Variants in TMEM72 observed in about 807,000 individuals in gnomAD.
TMEM72 encodes transmembrane protein 72.
TMEM72 carries 9 observed loss-of-function variants against 16.3 expected under a neutral mutation model. The observed-to-expected ratio is 0.55, with a 90% CI of 0.33 to 0.96. TMEM72 has a LOEUF of 0.96. Among genes scored for constraint, TMEM72 ranks in the 40% least tolerant of loss-of-function variants. TMEM72 has a pLI of 0.03. For missense variants in TMEM72, 324 were observed against 337.8 expected, an observed-to-expected ratio of 0.96 and a Z score of 0.32; for synonymous variants, 160 against 146.5, an observed-to-expected ratio of 1.09 and a Z score of -0.66.
intron 3 of TMEM72, among the ~76,000 whole-genome samples, chr10:44,932,750 C>A (rs946406396): frequency 2.0e-5 from 3 of 152,352 alleles, no homozygotes; most frequent in African/African-American, 7.2e-5. Context: ...AAGCTTTCCC[C>A]TTTCTGCTGA....
chr10:44,915,009 A>G (rs757962284), intron 1 of TMEM72, among the ~76,000 whole-genome samples: 1 of 152,204 alleles, frequency 6.6e-6, no homozygotes, highest in Non-Finnish European at 1.5e-5. Flanking sequence ...CAGGCCGTCC[A>G]GGCTGGGCAT....
At chr10:44,919,552 G>A (rs184238616) in intron 1 of TMEM72, among the ~76,000 whole-genome samples, 47 of 152,202 alleles carry the variant, frequency 3.1e-4, no homozygotes, top group African/African-American at 1.1e-3. Flanking sequence ...TTGAAAATCC[G>A]AAATATTTAG....
chr10:44,935,078 C>T lies in TMEM72; in HGVS notation c.772C>T (p.Pro258Ser), dbSNP rs747616132. 6 of 1,612,352 alleles carry T rather than the reference C, an allele frequency of 3.7e-6. No homozygotes were observed. Among genetic ancestry groups the T allele is most frequent in the South Asian group, 1.1e-5 (1 of 90,852 alleles). ...ETTSDTTPII[P>S]PPQAPLFLSS... ...CACCTCTGACACGACACCCATCATT[C>T]CCCCTCCCCAGGCCCCACTCTTCCT... is the stretch of plus-strand genomic sequence containing the variant. Residue 258 changes from proline (P) to serine (S), a missense_variant, in exon 5 of 5, where the codon CCC becomes TCC. Physicochemically the swap from Pro to Ser is moderately conservative, Grantham distance 74 (BLOSUM62 -1). Transcript: ENST00000389583.
chr10:44,929,268 GCCCCAGCAT>G (rs1840253193), intron 2 of TMEM72, among the ~76,000 whole-genome samples: 1 of 152,206 alleles, frequency 6.6e-6, no homozygotes, highest in Non-Finnish European at 1.5e-5. Context: ...CTGGGTCTCT[GCCCCAGCAT>G]CTCTGCAGCC....
At position 44,935,357 on chromosome 10, in the gene TMEM72, C is replaced by G. The variant is rs1840383956; in HGVS notation, c.*223C>G. 2.1e-6 allele frequency: 1 copy of G among 482,900 alleles called. No individual in the cohort carries two copies. 29.9% of individuals were successfully genotyped at this position (482,900 alleles called of 1,614,324 possible). ...TCACGCCACCTCAAGCCAGCACAAG[C>G]TCCTTCCTCCTGGCCACAGGTGGGG... On this transcript the variant is annotated 3_prime_UTR_variant, in exon 5 of 5. Coordinates refer to ENST00000389583, the MANE Select transcript of TMEM72 (RefSeq NM_001123376.3).
At position 44,935,125 on chromosome 10, in the gene TMEM72, C is replaced by T; in HGVS notation, c.819C>T (p.Gly273=). 2 of 1,591,852 alleles carry T rather than the reference C, an allele frequency of 1.3e-6. No homozygotes were observed. The highest frequency in any genetic ancestry group is 1.7e-6 in the Non-Finnish European group (2 of 1,168,704). Residue 273 remains glycine (G), a synonymous_variant, in exon 5 of 5, where the codon GGC becomes GGT. Transcript: ENST00000389583. ...PLFLSSLTAT[G]LF ...TCCTGTCATCTCTTACAGCCACCGG[C>T]CTGTTCTGAGCGCTTGCTCCAGCCT...
chr10:44,911,576 G>A lies in TMEM72; in HGVS notation c.64G>A (p.Ala22Thr). 6.4e-7 allele frequency: 1 copy of A among 1,550,610 alleles called. No individual in the cohort carries two copies. Among genetic ancestry groups the A allele is most frequent in the Non-Finnish European group, 8.7e-7 (1 of 1,147,242 alleles). The change falls in exon 1 of 5, where the codon GCT becomes ACT. Residue 22 changes from alanine to threonine, a missense_variant. Transcript: ENST00000389583. ...CTGCCGGCTCCTGGGCATCACCACT[G>A]CTGCAGGTAAGACCCTGCCTCCTGG... ...YTCRLLGITT[A>T]AVLIGVGTET... is the part of the protein sequence containing the mutation.
intron 1 of TMEM72, among the ~76,000 whole-genome samples, chr10:44,926,035 ACACT>A (rs760264480): frequency 1.7e-4 from 25 of 149,408 alleles, no homozygotes; most frequent in African/African-American, 3.1e-4. Context: ...TCACACACAC[ACACT>A]CACACACATC....
intron 4 of TMEM72, 48 bp from the exon 5 acceptor site, chr10:44,934,608 A>AT (rs1381212640): frequency 6.7e-7 from 1 of 1,498,688 alleles, no homozygotes; most frequent in Non-Finnish European, 8.9e-7. Flanking sequence ...AGGACTCCGG[A>AT]TTTTTTCCGT....
At chr10:44,913,457 C>A (rs1839967125) in intron 1 of TMEM72, among the ~76,000 whole-genome samples, 1 of 151,298 alleles carries the variant, frequency 6.6e-6, no homozygotes, top group African/African-American at 2.4e-5. Context: ...TGCACGCACA[C>A]ACACACACAC....
intron 1 of TMEM72, among the ~76,000 whole-genome samples, chr10:44,924,337 G>A (rs1840150474): frequency 6.6e-6 from 1 of 152,188 alleles, no homozygotes. Context: ...GGCCCCTCCT[G>A]TCTGGCCCCA....
chr10:44,931,952 A>G (rs1840303614), intron 2 of TMEM72, 46 bp from the exon 3 acceptor site: 1 of 1,578,672 alleles, frequency 6.3e-7, no homozygotes, highest in African/African-American at 1.3e-5. Flanking sequence ...CAGGAAAGCA[A>G]AGGAAGACAG....
At chr10:44,921,840 C>T (rs11239280) in intron 1 of TMEM72, among the ~76,000 whole-genome samples, 51 of 152,318 alleles carry the variant, frequency 3.3e-4, no homozygotes, top group African/African-American at 1.2e-3. Flanking sequence ...TCAGGGCCCA[C>T]GAAGGGCCTA....
At chr10:44,915,115 A>G (rs1839995157) in intron 1 of TMEM72, among the ~76,000 whole-genome samples, 1 of 152,186 alleles carries the variant, frequency 6.6e-6, no homozygotes, top group Non-Finnish European at 1.5e-5. Context: ...GGGCTTCCCC[A>G]TAAGAGGCTT....
chr10:44,922,232 T>C (rs116433537), intron 1 of TMEM72, among the ~76,000 whole-genome samples: 2,510 of 152,274 alleles, frequency 0.016, 70 homozygotes, highest in African/African-American at 0.055. Context: ...GTGAGGCCTT[T>C]GAGAGGGCGG....
At chr10:44,915,457 C>T (rs1000433325) in intron 1 of TMEM72, among the ~76,000 whole-genome samples, 2 of 152,076 alleles carry the variant, frequency 1.3e-5, no homozygotes, top group African/African-American at 4.8e-5. Flanking sequence ...CAGGGTCTCA[C>T]ACCAGGAAGC....
chr10:44,921,273 T>G (rs1840094383), intron 1 of TMEM72, among the ~76,000 whole-genome samples: 1 of 151,574 alleles, frequency 6.6e-6, no homozygotes, highest in Non-Finnish European at 1.5e-5. Flanking sequence ...TGTGCTGGAG[T>G]GGGCATAAGG....
rs773066513 is a variant in TMEM72 at position 44,927,320 on chromosome 10, A to G, written c.71-601A>G. 5.7e-4 allele frequency among the ~76,000 whole-genome samples: 87 copies of G among 152,186 alleles called. 1 individual carries two copies. The highest frequency in any genetic ancestry group is 1.1e-3 in the Non-Finnish European group (76 of 68,024). ...GGCAGGTCCGAGATGAAATTCACCT[A>G]TGACAGATGAAAGTTCAGCACTAAC... On this transcript the variant is annotated intron_variant, in intron 1 of 4. Coordinates refer to ENST00000389583, the MANE Select transcript of TMEM72 (RefSeq NM_001123376.3).
At chr10:44,921,832 A>G (rs1215691710) in intron 1 of TMEM72, among the ~76,000 whole-genome samples, 1 of 152,178 alleles carries the variant, frequency 6.6e-6, no homozygotes, top group Admixed American at 6.5e-5. Context: ...TACCACTCTC[A>G]GGGCCCACGA....
Sources: gnomAD v4.1 joint callset for allele counts (sites outside exome capture counted in the v4.1 genomes callset) on GRCh38, gnomAD v4.1.1 for gene constraint, MANE v1.5 for transcripts, NCBI Gene and HGNC (gene_info 2026-07-23, HGNC 2026-07-21) for gene names.